Variants in LRRIQ1 observed in about 807,000 individuals in gnomAD.
LRRIQ1 encodes leucine rich repeats and IQ motif containing 1.
LRRIQ1 carries 210 observed loss-of-function variants against 211.9 expected under a neutral mutation model. The ratio of observed to expected loss-of-function variants is 0.99; its 90% CI spans 0.89 to 1.11. The LOEUF (loss-of-function observed/expected upper bound fraction) is 1.11, where lower values mean the gene tolerates loss of function less well. Ranked by LOEUF, LRRIQ1 falls within the 50% of genes most tolerant of loss-of-function variation. LRRIQ1 has a pLI of 0.00. For missense variants in LRRIQ1, 2,136 were observed against 1,939.5 expected (o/e 1.10, Z -1.90); for synonymous variants, 699 against 650.1 (o/e 1.08, Z -1.14).
chr12:85,190,152 A>G (rs1892430537), intron 24 of LRRIQ1, among the ~76,000 whole-genome samples: 1 of 143,522 alleles, frequency 7.0e-6, no homozygotes, highest in African/African-American at 2.5e-5. Flanking sequence ...ATAATATAGT[A>G]ATATAACAAT....
chr12:85,061,263 A>G (rs544209438), intron 8 of LRRIQ1, among the ~76,000 whole-genome samples: 1 of 151,816 alleles, frequency 6.6e-6, no homozygotes, highest in Non-Finnish European at 1.5e-5. Flanking sequence ...TTCGAAGCAT[A>G]AAGTGGTTTT....
chr12:85,235,166 G>A (rs1024198083), intron 26 of LRRIQ1, among the ~76,000 whole-genome samples: 1 of 152,106 alleles, frequency 6.6e-6, no homozygotes, highest in Non-Finnish European at 1.5e-5. Flanking sequence ...TTGCATGATA[G>A]GAATTAGAAA....
chr12:85,218,983 C>A (rs1016295464), intron 24 of LRRIQ1, among the ~76,000 whole-genome samples: 3 of 151,954 alleles, frequency 2.0e-5, no homozygotes, highest in African/African-American at 7.2e-5. Flanking sequence ...TATTATTTAT[C>A]TTAATCACTG....
chr12:85,250,799 ATATAT>A (rs1259618830), intron 1 of LRRIQ1, among the ~76,000 whole-genome samples: 2 of 121,062 alleles, frequency 1.7e-5, no homozygotes, highest in Non-Finnish European at 3.3e-5. Context: ...ATTATAGATT[ATATAT>A]TATATTATAT....
intron 24 of LRRIQ1, among the ~76,000 whole-genome samples, chr12:85,180,880 T>G (rs559726020): frequency 1.3e-5 from 2 of 151,766 alleles, no homozygotes; most frequent in East Asian, 3.9e-4. Context: ...GTTGGGGAAA[T>G]TTATTATTCT....
intron 26 of LRRIQ1, among the ~76,000 whole-genome samples, chr12:85,242,603 C>T (rs1364130638): frequency 6.6e-6 from 1 of 151,824 alleles, no homozygotes; most frequent in African/African-American, 2.4e-5. Flanking sequence ...AAATCTGTAT[C>T]TTCTTTACCA....
downstream of LRRIQ1, among the ~76,000 whole-genome samples, chr12:85,245,293 A>G (rs2137279253): frequency 6.6e-6 from 1 of 151,488 alleles, no homozygotes; most frequent in African/African-American, 2.4e-5. Context: ...TAGATACTGT[A>G]TGTAAAGATA....
At chr12:85,176,983 T>G (rs536346733) in intron 24 of LRRIQ1, among the ~76,000 whole-genome samples, 1 of 152,234 alleles carries the variant, frequency 6.6e-6, no homozygotes, top group South Asian at 2.1e-4. Flanking sequence ...CTTGGAGTTA[T>G]GTAAGACAGA....
chr12:85,065,456 A>G (rs1000797988), intron 9 of LRRIQ1, 42 bp downstream of exon 9: 1 of 1,430,686 alleles, frequency 7.0e-7, no homozygotes, highest in Non-Finnish European at 9.3e-7. Context: ...ATAATAAAAT[A>G]TAAAATGGAT....
chr12:85,055,721 CA>C lies in LRRIQ1; in HGVS notation c.931del (p.Ile311LeufsTer29). ...YQKYGPIIKE[Q>X]IESKKRKAQE... ...AAAATATGGCCCAATTATTAAAGAG[CA>C]AATTGAAAGTAAGAAAAGGAAAGCA... On this transcript the variant is annotated frameshift_variant, in exon 8 of 27. Coordinates refer to ENST00000393217, the MANE Select transcript of LRRIQ1 (RefSeq NM_001079910.2). LOFTEE classifies it high-confidence loss of function. 6.2e-7 allele frequency: 1 copy of C among 1,603,996 alleles called. No individual in the cohort carries two copies. The highest frequency in any genetic ancestry group is 8.5e-7 in the Non-Finnish European group (1 of 1,176,622).
intron 9 of LRRIQ1, among the ~76,000 whole-genome samples, chr12:85,066,075 T>C (rs1237074335): frequency 6.6e-6 from 1 of 151,906 alleles, no homozygotes; most frequent in East Asian, 1.9e-4. Context: ...GGGGACCATA[T>C]GGATATGCGA....
chr12:85,168,941 A>G (rs191104298), intron 24 of LRRIQ1, among the ~76,000 whole-genome samples: 1 of 152,168 alleles, frequency 6.6e-6, no homozygotes, highest in Non-Finnish European at 1.5e-5. Flanking sequence ...TACCATGGCA[A>G]CAACATATCA....
intron 24 of LRRIQ1, among the ~76,000 whole-genome samples, chr12:85,165,714 C>T (rs972878561): frequency 1.3e-5 from 2 of 152,014 alleles, no homozygotes; most frequent in Non-Finnish European, 2.9e-5. Context: ...GGCAATCCAC[C>T]CGCCTTGGCC....
intron 1 of LRRIQ1, among the ~76,000 whole-genome samples, chr12:85,257,548 A>T (rs1896155289): frequency 6.6e-6 from 1 of 151,584 alleles, no homozygotes; most frequent in African/African-American, 2.4e-5. Context: ...ATTGGATTAC[A>T]CTTTTGATTA....
At position 85,052,243 on chromosome 12, in the gene LRRIQ1, C is replaced by T. The variant is rs760136518; in HGVS notation, c.745C>T (p.Gln249Ter). 13 of 1,491,074 alleles carry T rather than the reference C, an allele frequency of 8.7e-6. No individual in the cohort carries two copies. In the South Asian group the frequency reaches 1.6e-4, roughly 18 times the overall value. 92.4% of individuals were successfully genotyped at this position (1,491,074 alleles called of 1,614,324 possible). The stretch of plus-strand genomic sequence containing the variant: ...GAAAATTTGGAAAGAGAAATTTAAA[C>T]AGCATGAGGTATCTATTTGTTGTTT... ...EEKIWKEKFKQHEEYIRNLHL... is the reference protein window; with the variant it reads ...EEKIWKEKFK The change falls in exon 7 of 27, where the codon CAG (glutamine) becomes TAG (stop). Residue 249 changes from glutamine to a stop codon, truncating the protein, a stop_gained. Transcript: ENST00000393217. LOFTEE classifies it high-confidence loss of function.
chr12:85,047,393 C>CAAG lies in LRRIQ1; in HGVS notation c.613_615dup (p.Glu205dup). 1 of 1,602,310 alleles carries CAAG rather than the reference C, an allele frequency of 6.2e-7. No individual in the cohort carries two copies. Among genetic ancestry groups the CAAG allele is most frequent in the Non-Finnish European group, 8.5e-7 (1 of 1,172,254 alleles). Reference sequence around the variant, plus strand: ...GAGGGATAGAGAAGAAAAACAATTTCAAGAAGAAGAAGAAAAGCGACATTG... The same window carrying CAAG: ...GAGGGATAGAGAAGAAAAACAATTTCAAGAAGAAGAAGAAGAAAAGCGACATTG... On this transcript the variant is annotated inframe_insertion, in exon 6 of 27. Transcript: ENST00000393217.
intron 11 of LRRIQ1, among the ~76,000 whole-genome samples, chr12:85,091,699 G>A (rs1056561026): frequency 2.6e-5 from 4 of 152,118 alleles, no homozygotes; most frequent in African/African-American, 4.8e-5. Flanking sequence ...TAAAGGTCCG[G>A]TTTTATTCTG....
chr12:85,162,038 C>CA lies in LRRIQ1; in HGVS notation c.4822+1336dup, dbSNP rs1259140734. ...TGGGCGACAGAGCGAGACTCCACCT[C>CA]AAAAAAAAAAAATTAATAATAAAAA... On this transcript the variant is annotated intron_variant, in intron 24 of 26. Transcript: ENST00000393217. 5.1e-3 allele frequency among the ~76,000 whole-genome samples: 655 copies of CA among 128,402 alleles called. 2 individuals carry two copies. The highest frequency in any genetic ancestry group is 0.012 in the African/African-American group (405 of 34,594). 84.2% of individuals were successfully genotyped at this position (128,402 alleles called of 152,430 possible).
At chr12:85,254,948 T>A (rs896075398) in intron 1 of LRRIQ1, among the ~76,000 whole-genome samples, 2 of 152,094 alleles carry the variant, frequency 1.3e-5, no homozygotes. Flanking sequence ...ATAAACCTTT[T>A]GATAAAATTT....
Sources: allele counts gnomAD v4.1 joint callset (sites outside exome capture counted in the v4.1 genomes callset), GRCh38; gene constraint gnomAD v4.1.1; transcripts MANE v1.5; gene names NCBI Gene and HGNC (gene_info 2026-07-23, HGNC 2026-07-21).